The following SOX6 variants were observed in gnomAD, a reference collection of about 807,000 sequenced individuals.
SOX6 encodes the protein SRY-box transcription factor 6.
A neutral mutation model predicts 97.8 loss-of-function variants in SOX6; 11 were observed. The observed-to-expected ratio is 0.11, with a 90% CI of 0.07 to 0.19. The LOEUF is 0.19. Ranked by LOEUF, SOX6 falls within the 10% of genes least tolerant of loss-of-function variation. The pLI, the probability that SOX6 is intolerant of heterozygous loss-of-function variation, is 1.00. For synonymous variants in SOX6, 360 were observed against 371.4 expected, an observed-to-expected ratio of 0.97 and a Z score of 0.35; for missense variants, 810 against 1,039.5, an observed-to-expected ratio of 0.78 and a Z score of 3.04.
At chr11:16,189,299 C>T (rs796794858) in intron 4 of SOX6, among the ~76,000 whole-genome samples, 28 of 152,018 alleles carry the variant, frequency 1.8e-4, no homozygotes, top group Admixed American at 3.9e-4. Flanking sequence ...TTCCAGAAAA[C>T]GTGAAATTGC....
At chr11:16,540,534 T>C (rs1459383364) in intron 4 of SOX6, among the ~76,000 whole-genome samples, 5 of 152,068 alleles carry the variant, frequency 3.3e-5, no homozygotes, top group East Asian at 1.9e-4. Context: ...TCAAATTGTC[T>C]CCGTTTGCAC....
At chr11:16,713,560 T>C (rs1590061436) in intron 3 of SOX6, among the ~76,000 whole-genome samples, 1 of 152,152 alleles carries the variant, frequency 6.6e-6, no homozygotes, top group Non-Finnish European at 1.5e-5. Flanking sequence ...GTTTTCCTAA[T>C]AGCTAGTAAC....
At chr11:16,122,071 A>G (rs1326537823) in intron 6 of SOX6, among the ~76,000 whole-genome samples, 1 of 152,000 alleles carries the variant, frequency 6.6e-6, no homozygotes, top group Non-Finnish European at 1.5e-5. Context: ...AACTCAGCAT[A>G]TTGTTATCCC....
intron 3 of SOX6, among the ~76,000 whole-genome samples, chr11:16,249,149 A>G (rs1853432942): frequency 6.6e-6 from 1 of 152,052 alleles, no homozygotes; most frequent in African/African-American, 2.4e-5. Flanking sequence ...ACTTATGCAA[A>G]TTTCTGCAGC....
chr11:16,276,423 T>G (rs1854400750), intron 3 of SOX6, among the ~76,000 whole-genome samples: 1 of 152,116 alleles, frequency 6.6e-6, no homozygotes, highest in Non-Finnish European at 1.5e-5. Context: ...GCATTACTAG[T>G]CTCCTTTGCA....
intron 1 of SOX6, among the ~76,000 whole-genome samples, chr11:16,362,347 C>T (rs1857230595): frequency 6.6e-6 from 1 of 152,080 alleles, no homozygotes; most frequent in Non-Finnish European, 1.5e-5. Context: ...TAAAGACCCT[C>T]CCAGTTGCTT....
chr11:16,608,745 C>A (rs906790210), intron 4 of SOX6, among the ~76,000 whole-genome samples: 1 of 152,146 alleles, frequency 6.6e-6, no homozygotes, highest in Admixed American at 6.5e-5. Flanking sequence ...AAAATTATTA[C>A]ACTTTCACGG....
chr11:16,041,695 A>G (rs1855671487), intron 12 of SOX6, among the ~76,000 whole-genome samples: 1 of 152,192 alleles, frequency 6.6e-6, no homozygotes, highest in South Asian at 2.1e-4. Flanking sequence ...ATATTAAATA[A>G]GTAGGAACAA....
chr11:16,243,340 C>G (rs968989844), intron 3 of SOX6, among the ~76,000 whole-genome samples: 1 of 151,902 alleles, frequency 6.6e-6, no homozygotes, highest in Non-Finnish European at 1.5e-5. Flanking sequence ...AATACGATAA[C>G]TACATATTAA....
At chr11:16,541,539 A>T (rs1240450930) in intron 4 of SOX6, among the ~76,000 whole-genome samples, 1 of 151,904 alleles carries the variant, frequency 6.6e-6, no homozygotes, top group Non-Finnish European at 1.5e-5. Context: ...AACCTATAGA[A>T]TGGGAGAAAA....
intron 1 of SOX6, among the ~76,000 whole-genome samples, chr11:16,459,920 A>T (rs1859887467): frequency 6.6e-6 from 1 of 151,834 alleles, no homozygotes; most frequent in African/African-American, 2.4e-5. Context: ...ATGGCTGAAA[A>T]TTTTCCAGAT....
chr11:16,190,638 G>C (rs963030516), intron 4 of SOX6, among the ~76,000 whole-genome samples: 1 of 152,142 alleles, frequency 6.6e-6, no homozygotes, highest in South Asian at 2.1e-4. Context: ...TAAAAATGAA[G>C]TTGGAGTGAA....
At chr11:16,042,076 C>T (rs1167485112) in intron 12 of SOX6, among the ~76,000 whole-genome samples, 1 of 152,128 alleles carries the variant, frequency 6.6e-6, no homozygotes, top group Non-Finnish European at 1.5e-5. Flanking sequence ...CAAAACATCC[C>T]TTCAAGAAAA....
chr11:16,682,310 A>T (rs1252967831), intron 3 of SOX6, among the ~76,000 whole-genome samples: 8 of 152,154 alleles, frequency 5.3e-5, no homozygotes, highest in Non-Finnish European at 1.0e-4. Flanking sequence ...ACAGAACAAG[A>T]CTCCGTCTCA....
chr11:16,475,639 T>C (rs1860229643), intron 1 of SOX6, among the ~76,000 whole-genome samples: 1 of 152,164 alleles, frequency 6.6e-6, no homozygotes, highest in Non-Finnish European at 1.5e-5. Flanking sequence ...TCACTAATTA[T>C]AGATCGTCAT....
chr11:16,728,293 C>A (rs73421134), intron 2 of SOX6, among the ~76,000 whole-genome samples: 46 of 152,306 alleles, frequency 3.0e-4, no homozygotes, highest in African/African-American at 1.1e-3. Flanking sequence ...GGAGACAGCT[C>A]CCAGAAGGGC....
intron 4 of SOX6, among the ~76,000 whole-genome samples, chr11:16,222,595 G>A (rs1013304): frequency 0.48 from 72,507 of 151,916 alleles, 17,487 homozygotes; most frequent in South Asian, 0.61. Flanking sequence ...CTACAGAATA[G>A]ATACAAACAA....
chr11:16,709,158 C>G (rs1848158252), intron 3 of SOX6, among the ~76,000 whole-genome samples: 1 of 152,158 alleles, frequency 6.6e-6, no homozygotes, highest in African/African-American at 2.4e-5. Flanking sequence ...TGGAGCGGAT[C>G]TCTCATGAAT....
chr11:16,135,823 T>C (rs572478610), intron 6 of SOX6, among the ~76,000 whole-genome samples: 204 of 152,252 alleles, frequency 1.3e-3, no homozygotes, highest in African/African-American at 4.8e-3. Flanking sequence ...CTACTGTGGG[T>C]AAAACGTTAT....
Sources: gnomAD v4.1 joint callset for allele counts (sites outside exome capture counted in the v4.1 genomes callset) on GRCh38, gnomAD v4.1.1 for gene constraint, MANE v1.5 for transcripts, NCBI Gene and HGNC (gene_info 2026-07-23, HGNC 2026-07-21) for gene names.